TMEM117: variants seen among roughly 807,000 people sequenced by gnomAD.
TMEM117 encodes transmembrane protein 117.
In TMEM117, 27 loss-of-function variants were observed where a neutral mutation model predicts 52.4. The ratio of observed to expected loss-of-function variants is 0.51; its 90% CI spans 0.38 to 0.71. The LOEUF (loss-of-function observed/expected upper bound fraction) is 0.71. TMEM117 is among the 30% of genes least tolerant of loss of function. The pLI is 0.00. For missense variants in TMEM117, 556 were observed against 630.5 expected (o/e 0.88, Z 1.26); for synonymous variants, 215 against 206.3 (o/e 1.04, Z -0.36).
Position 44,388,872 on chromosome 12 carries a change from A to G in TMEM117, c.*200A>G, listed in dbSNP as rs1253408607. ...AATACACGTGCCTACTGTATACTCA[A>G]CAGTCCTCTAGAGATTGCTTTTCAC... On this transcript the variant is annotated 3_prime_UTR_variant, in exon 8 of 8. Coordinates refer to ENST00000266534, the MANE Select transcript of TMEM117 (RefSeq NM_032256.3). 1.6e-5 allele frequency: 10 copies of G among 606,920 alleles called. No individual in the cohort carries two copies. The East Asian group carries it at 2.3e-4, about 14-fold the overall frequency. The allele number at this position is 606,920 out of a possible 1,614,324, so 37.6% of individuals were successfully genotyped here.
intron 3 of TMEM117, among the ~76,000 whole-genome samples, chr12:44,042,155 A>G (rs1486495293): frequency 2.0e-5 from 3 of 152,222 alleles, no homozygotes; most frequent in Non-Finnish European, 4.4e-5. Context: ...GTTTCAAGAT[A>G]CAAGATCAGT....
At chr12:43,867,152 C>T (rs764634116) in intron 2 of TMEM117, among the ~76,000 whole-genome samples, 1 of 151,844 alleles carries the variant, frequency 6.6e-6, no homozygotes, top group South Asian at 2.1e-4. Flanking sequence ...TATTGTATGT[C>T]ATGATTTTGT....
downstream of TMEM117, among the ~76,000 whole-genome samples, chr12:44,394,654 C>A (rs1952173379): frequency 6.6e-6 from 1 of 152,152 alleles, no homozygotes; most frequent in African/African-American, 2.4e-5. Context: ...TTTATGATTT[C>A]TTTACTAGCT....
intron 3 of TMEM117, among the ~76,000 whole-genome samples, chr12:43,970,046 G>A (rs141699539): frequency 3.0e-4 from 45 of 152,250 alleles, no homozygotes; most frequent in African/African-American, 1.0e-3. Flanking sequence ...GTCATTCTTA[G>A]TAGCTTGATG....
At chr12:43,916,973 G>A (rs1407158133) in intron 2 of TMEM117, among the ~76,000 whole-genome samples, 3 of 152,086 alleles carry the variant, frequency 2.0e-5, no homozygotes, top group Admixed American at 1.3e-4. Flanking sequence ...GCCTCCTAGA[G>A]CATAATCAGA....
At chr12:44,040,743 A>G (rs1946783808) in intron 3 of TMEM117, among the ~76,000 whole-genome samples, 1 of 152,098 alleles carries the variant, frequency 6.6e-6, no homozygotes, top group Non-Finnish European at 1.5e-5. Flanking sequence ...TTAAGATTTT[A>G]TGTTTCTTTT....
At chr12:44,021,217 G>A (rs1189593326) in intron 3 of TMEM117, among the ~76,000 whole-genome samples, 3 of 152,052 alleles carry the variant, frequency 2.0e-5, no homozygotes, top group African/African-American at 4.8e-5. Flanking sequence ...CAGGTATTAA[G>A]CCCAGTACCA....
At chr12:44,048,001 GC>G (rs1946906527) in intron 3 of TMEM117, among the ~76,000 whole-genome samples, 1 of 151,934 alleles carries the variant, frequency 6.6e-6, no homozygotes, top group Non-Finnish European at 1.5e-5. Flanking sequence ...AGCTACCTGG[GC>G]CTGAAATATT....
chr12:44,073,595 G>C (rs985252104), intron 3 of TMEM117: 1 of 152,228 alleles, frequency 6.6e-6, no homozygotes, highest in African/African-American at 2.4e-5. Context: ...GAAAGTCAAC[G>C]TGGCAAGTTT....
At chr12:44,018,186 T>C (rs1214426734) in intron 3 of TMEM117, among the ~76,000 whole-genome samples, 3 of 152,156 alleles carry the variant, frequency 2.0e-5, no homozygotes, top group Non-Finnish European at 4.4e-5. Flanking sequence ...ATGTGGAGAA[T>C]TGAACTAACT....
rs12306832 is a variant in TMEM117, at chr12:44,279,518, T to C, written c.609-20062T>C. Reference sequence around the variant, plus strand: ...TGCAATTTTCTTTTCTTTTCTTCTTTTTTTTTTTTTTTTGAGATGGAGTCT... The same window carrying C: ...TGCAATTTTCTTTTCTTTTCTTCTTCTTTTTTTTTTTTTGAGATGGAGTCT... On this transcript the variant is annotated intron_variant, in intron 5 of 7. Transcript: ENST00000266534. 9.3e-3 allele frequency among the ~76,000 whole-genome samples: 1,383 copies of C among 149,390 alleles called. 25 individuals are homozygous for C. Among genetic ancestry groups the C allele is most frequent in the African/African-American group, 0.031 (1,284 of 40,962 alleles).
chr12:43,871,142 G>A (rs1222971654), intron 2 of TMEM117, among the ~76,000 whole-genome samples: 22 of 149,636 alleles, frequency 1.5e-4, no homozygotes, highest in Admixed American at 2.0e-4. Flanking sequence ...TTGCTCTGTC[G>A]CCCAGGCTGG....
At position 44,114,844 on chromosome 12, in the gene TMEM117, T is replaced by G. The variant is rs188626518; in HGVS notation, c.411-28681T>G. Among the ~76,000 whole-genome samples the G allele has an allele frequency of 7.8e-4, 119 of 152,372 alleles. 1 individual carries two copies. The highest frequency in any genetic ancestry group is 1.0e-3 in the Non-Finnish European group (68 of 68,042). ...TGTTTCCTATAAAAATGCTACTACT[T>G]CCACATTTCCTGTATGTGGACTCTA... is the stretch of plus-strand genomic sequence containing the variant. On this transcript the variant is annotated intron_variant, in intron 3 of 7. Coordinates refer to ENST00000266534, the MANE Select transcript of TMEM117 (RefSeq NM_032256.3).
chr12:44,052,738 CAT>C (rs1331891905), intron 3 of TMEM117, among the ~76,000 whole-genome samples: 2 of 152,176 alleles, frequency 1.3e-5, no homozygotes, highest in Admixed American at 6.5e-5. Flanking sequence ...TTGCCCCACA[CAT>C]TGTGTAATTG....
chr12:44,211,353 T>C lies in TMEM117; in HGVS notation c.574T>C (p.Trp192Arg). The change falls in exon 5 of 8, where the codon TGG (tryptophan) becomes CGG (arginine). Residue 192 changes from tryptophan to arginine, a missense_variant. Trp to Arg is a moderately radical substitution (Grantham distance 101). Coordinates refer to ENST00000266534, the MANE Select transcript of TMEM117 (RefSeq NM_032256.3). Reference protein sequence around the residue: ...PDWGKSARAFWKKGNVRITLF... With the variant: ...PDWGKSARAFRKKGNVRITLF... ...CTGGGGAAAATCAGCAAGAGCTTTCTGGAAGAAAGGAAATGTTAGGATCAC... is the reference window on the plus strand; with the variant it reads ...CTGGGGAAAATCAGCAAGAGCTTTCCGGAAGAAAGGAAATGTTAGGATCAC... 6.2e-7 allele frequency: 1 copy of C among 1,612,068 alleles called. No individual in the cohort carries two copies. Among genetic ancestry groups the C allele is most frequent in the Non-Finnish European group, 8.5e-7 (1 of 1,179,066 alleles).
chr12:44,320,689 A>C, intron 6 of TMEM117, among the ~76,000 whole-genome samples: 1 of 152,324 alleles, frequency 6.6e-6, no homozygotes, highest in Admixed American at 6.5e-5. Context: ...TCCAACCCTC[A>C]GCTTATATGC....
chr12:43,804,162 T>C, the TMEM117 span: 7 of 388,294 alleles, frequency 1.8e-5, no homozygotes, highest in Non-Finnish European at 3.6e-5. Context: ...CTATTTTTTT[T>C]TTTTGATAAT....
At chr12:44,080,803 T>G (rs1055424345) in intron 3 of TMEM117, among the ~76,000 whole-genome samples, 3 of 152,210 alleles carry the variant, frequency 2.0e-5, no homozygotes, top group African/African-American at 7.2e-5. Context: ...CGTTCATTTA[T>G]GTATTGTCTG....
intron 6 of TMEM117, among the ~76,000 whole-genome samples, chr12:44,335,198 AG>A (rs1482451462): frequency 6.6e-6 from 1 of 152,062 alleles, no homozygotes; most frequent in African/African-American, 2.4e-5. Flanking sequence ...GCCTGAAGTC[AG>A]ATTATGGAAG....
Sources: allele counts gnomAD v4.1 joint callset (sites outside exome capture counted in the v4.1 genomes callset), GRCh38; gene constraint gnomAD v4.1.1; transcripts MANE v1.5; gene names NCBI Gene and HGNC (gene_info 2026-07-23, HGNC 2026-07-21).